NLGN1: variants seen among roughly 807,000 people sequenced by gnomAD.
NLGN1 encodes neuroligin 1.
In NLGN1, 12 loss-of-function variants were observed where a neutral mutation model predicts 65.5. That is an observed-to-expected ratio of 0.18 (90% confidence interval 0.12 to 0.30). The LOEUF (loss-of-function observed/expected upper bound fraction) is 0.30. Among genes scored for constraint, NLGN1 ranks in the 10% least tolerant of loss-of-function variants. The pLI is 1.00. For synonymous variants in NLGN1, 350 were observed against 359.5 expected (o/e 0.97, Z 0.30); for missense variants, 750 against 1,007.1 (o/e 0.74, Z 3.46).
In NLGN1 at chr3:174,075,520, G is replaced by C. The variant is rs1740720569; in HGVS notation, c.647-199795G>C. On this transcript the variant is annotated intron_variant, in intron 4 of 6. Coordinates refer to ENST00000457714, the Ensembl canonical transcript of NLGN1. ...ACAAAAGGAATCGGAATTTCCTCCT[G>C]ATGCCCAACCTGACAGTACGACTTG... Among the ~76,000 whole-genome samples, 3 of 152,092 alleles carry C rather than the reference G, an allele frequency of 2.0e-5. No individual in the cohort carries two copies. In the South Asian group the frequency reaches 6.2e-4, roughly 32 times the overall value.
chr3:174,279,708 A>T lies in NLGN1; in HGVS notation c.1649+58A>T. The T allele has an allele frequency of 4.9e-6, 5 of 1,028,136 alleles. No homozygotes were observed. Among genetic ancestry groups the T allele is most frequent in the Non-Finnish European group, 7.1e-6 (5 of 702,534 alleles). 63.7% of individuals were successfully genotyped at this position (1,028,136 alleles called of 1,614,324 possible). On this transcript the variant is annotated intron_variant, in intron 6 of 6. Coordinates refer to ENST00000457714, the Ensembl canonical transcript of NLGN1. This position sits in a 1 kb window ranked among gnomAD's most constrained non-coding sequence, Gnocchi z 4.7. ...TAAAAATGTTATTTTAACCATTTTA[A>T]AATAATAGATATTTATGCCCAGATA...
At chr3:173,614,732 A>G (rs1352164523) in intron 3 of NLGN1, among the ~76,000 whole-genome samples, 1 of 151,960 alleles carries the variant, frequency 6.6e-6, no homozygotes, top group Non-Finnish European at 1.5e-5. Context: ...ACACACACCC[A>G]CTTGGACAGC....
At chr3:173,917,166 T>C (rs1455082758) in intron 4 of NLGN1, among the ~76,000 whole-genome samples, 1 of 152,236 alleles carries the variant, frequency 6.6e-6, no homozygotes, top group African/African-American at 2.4e-5. Flanking sequence ...ATTAAAGATC[T>C]AATTTGCAGA....
chr3:173,477,478 A>C (rs1360660780), intron 2 of NLGN1, among the ~76,000 whole-genome samples: 3 of 152,168 alleles, frequency 2.0e-5, no homozygotes, highest in Non-Finnish European at 4.4e-5. Flanking sequence ...CAGAAATTCG[A>C]GGCTACAGTG....
chr3:174,015,222 T>C (rs1726310890), intron 4 of NLGN1, among the ~76,000 whole-genome samples: 1 of 152,228 alleles, frequency 6.6e-6, no homozygotes, highest in Non-Finnish European at 1.5e-5. Context: ...TATCAAGTTA[T>C]GTGCTATGTT....
At chr3:173,587,397 A>T (rs1747666666) in intron 2 of NLGN1, among the ~76,000 whole-genome samples, 1 of 152,188 alleles carries the variant, frequency 6.6e-6, no homozygotes, top group Non-Finnish European at 1.5e-5. Flanking sequence ...AGCCAATAAC[A>T]ATGGAAATAA....
intron 3 of NLGN1, among the ~76,000 whole-genome samples, chr3:173,803,052 G>T (rs1231098475): frequency 6.6e-6 from 1 of 151,804 alleles, no homozygotes; most frequent in Non-Finnish European, 1.5e-5. Flanking sequence ...TGTTGGCCAG[G>T]CTGGTCTCGA....
At chr3:173,688,659 A>T (rs1192438892) in intron 3 of NLGN1, among the ~76,000 whole-genome samples, 1 of 152,226 alleles carries the variant, frequency 6.6e-6, no homozygotes, top group East Asian at 1.9e-4. Flanking sequence ...GTGGTCTCTT[A>T]CTTCAACTGG....
intron 3 of NLGN1, among the ~76,000 whole-genome samples, chr3:173,757,008 G>C (rs1411642036): frequency 6.6e-6 from 1 of 151,854 alleles, no homozygotes; most frequent in African/African-American, 2.4e-5. Context: ...GTGGCAACTA[G>C]GACACTGACT....
chr3:173,666,977 T>C (rs981868058), intron 3 of NLGN1, among the ~76,000 whole-genome samples: 1 of 152,180 alleles, frequency 6.6e-6, no homozygotes, highest in African/African-American at 2.4e-5. Context: ...TATTCAGAGA[T>C]AGGAACTTCT....
intron 3 of NLGN1, among the ~76,000 whole-genome samples, chr3:173,718,501 A>G (rs1237648797): frequency 6.6e-6 from 1 of 152,188 alleles, no homozygotes; most frequent in Admixed American, 6.5e-5. Flanking sequence ...CGATTTTATA[A>G]TCCATAAATG....
At chr3:173,780,054 T>C (rs983160954) in intron 3 of NLGN1, among the ~76,000 whole-genome samples, 2 of 152,212 alleles carry the variant, frequency 1.3e-5, no homozygotes, top group African/African-American at 4.8e-5. Context: ...CCAAATTGCA[T>C]GCATAAAAAG....
rs534312018 is a variant in NLGN1 at position 174,042,140 on chromosome 3, T to G, written c.647-233175T>G. Among the ~76,000 whole-genome samples the G allele has an allele frequency of 5.9e-5, 9 of 152,332 alleles. No individual in the cohort carries two copies. In the South Asian group the frequency reaches 1.9e-3, roughly 32 times the overall value. ...CTGGATACCTGTTCTTTATCAGATATATGTTTCACAGATATTTCTCCCTAC... is the reference window on the plus strand; with the variant it reads ...CTGGATACCTGTTCTTTATCAGATAGATGTTTCACAGATATTTCTCCCTAC... On this transcript the variant is annotated intron_variant, in intron 4 of 6. Transcript: ENST00000457714.
At chr3:173,714,709 C>A (rs994691729) in intron 3 of NLGN1, among the ~76,000 whole-genome samples, 2 of 152,000 alleles carry the variant, frequency 1.3e-5, no homozygotes, top group Non-Finnish European at 2.9e-5. Flanking sequence ...GGGAAGAGTA[C>A]ATCAAAGCTT....
chr3:173,738,534 A>C (rs550766674), intron 3 of NLGN1, among the ~76,000 whole-genome samples: 1 of 152,230 alleles, frequency 6.6e-6, no homozygotes, highest in African/African-American at 2.4e-5. Flanking sequence ...GGAACCCTTG[A>C]CAAAAATCAT....
At chr3:174,253,761 C>T (rs1359178259) in intron 4 of NLGN1, among the ~76,000 whole-genome samples, 1 of 152,136 alleles carries the variant, frequency 6.6e-6, no homozygotes, top group Non-Finnish European at 1.5e-5. Context: ...TTTAATATTT[C>T]CTTCTCTGCT....
chr3:173,890,727 A>T (rs1444270924), intron 4 of NLGN1, among the ~76,000 whole-genome samples: 1 of 152,210 alleles, frequency 6.6e-6, no homozygotes, highest in Non-Finnish European at 1.5e-5. Context: ...CCTCCTAGTT[A>T]TAAACCCATC....
At chr3:173,522,244 T>G (rs1734880804) in intron 2 of NLGN1, among the ~76,000 whole-genome samples, 1 of 152,246 alleles carries the variant, frequency 6.6e-6, no homozygotes, top group Admixed American at 6.5e-5. Flanking sequence ...CGTAGGATAA[T>G]GGCCTCTGGC....
intron 2 of NLGN1, among the ~76,000 whole-genome samples, chr3:173,527,229 C>T (rs1317707284): frequency 6.6e-6 from 1 of 152,100 alleles, no homozygotes; most frequent in African/African-American, 2.4e-5. Context: ...TTTGTAATTG[C>T]CTGATTTTTG....
Sources: gnomAD v4.1 joint callset for allele counts (sites outside exome capture counted in the v4.1 genomes callset) on GRCh38, gnomAD v4.1.1 for gene constraint, Gnocchi (gnomAD v3.1) non-coding constraint, MANE v1.5 for transcripts, NCBI Gene and HGNC (gene_info 2026-07-23, HGNC 2026-07-21) for gene names.